The following KLF9 variants were observed in gnomAD, a reference collection of about 807,000 sequenced individuals.
The protein encoded by KLF9 is Krueppel-like factor 9.
KLF9 carries 2 observed loss-of-function variants against 17.3 expected under a neutral mutation model. The ratio of observed to expected loss-of-function variants is 0.12; its 90% CI spans 0.05 to 0.36. The LOEUF (loss-of-function observed/expected upper bound fraction) is 0.36, where lower values mean the gene tolerates loss of function less well. Ranked by LOEUF, KLF9 falls within the 10% of genes least tolerant of loss-of-function variation. The pLI is 1.00. For missense variants in KLF9, 226 were observed against 333.2 expected (o/e 0.68, Z 2.51); for synonymous variants, 138 against 139.2 (o/e 0.99, Z 0.06).
At chr9:70,407,139 T>G (rs2037261404) in intron 1 of KLF9, among the ~76,000 whole-genome samples, 1 of 152,150 alleles carries the variant, frequency 6.6e-6, no homozygotes, top group Non-Finnish European at 1.5e-5. Context: ...AAAACCATTG[T>G]CAGCCATTTT....
Position 70,385,751 on chromosome 9 carries a change from C to G in KLF9, c.*2025G>C, listed in dbSNP as rs531768851. On this transcript the variant is annotated 3_prime_UTR_variant, in exon 2 of 2. Coordinates refer to ENST00000377126, the MANE Select transcript of KLF9 (RefSeq NM_001206.4). ...AGATGTCCTTAAAACTTATTTTGGA[C>G]ACAGAAATTAAAATTTGGTTTAAAA... 1 of 152,684 alleles carries G rather than the reference C, an allele frequency of 6.5e-6. No individual in the cohort carries two copies. Among genetic ancestry groups the G allele is most frequent in the South Asian group, 2.1e-4 (1 of 4,826 alleles). 9.5% of individuals were successfully genotyped at this position (152,684 alleles called of 1,614,324 possible).
rs898281603 is a variant in KLF9 at position 70,413,541 on chromosome 9, C to G, written c.-178G>C. On this transcript the variant is annotated 5_prime_UTR_variant, in exon 1 of 2. Coordinates refer to ENST00000377126, the MANE Select transcript of KLF9 (RefSeq NM_001206.4). The surrounding 1 kb of genome is among the most constrained non-coding windows in gnomAD (Gnocchi z 5.6). ...GCAGGAGCGCCGAGGCGACCTCAGC[C>G]CCTCATCTTTACGTAACCGGCAGCG... 1 of 509,148 alleles carries G rather than the reference C, an allele frequency of 2.0e-6. No homozygotes were observed. The highest frequency in any genetic ancestry group is 4.9e-5 in the East Asian group (1 of 20,440). 31.5% of individuals were successfully genotyped at this position (509,148 alleles called of 1,614,324 possible).
At chr9:70,391,210 G>A (rs188329686) in intron 1 of KLF9, among the ~76,000 whole-genome samples, 7 of 152,296 alleles carry the variant, frequency 4.6e-5, no homozygotes, top group African/African-American at 1.2e-4. Context: ...AGATACTCTC[G>A]CTGTGTTAGG....
At position 70,412,935 on chromosome 9, in the gene KLF9, G is replaced by A; in HGVS notation, c.429C>T (p.His143=). 1 of 1,614,072 alleles carries A rather than the reference G, an allele frequency of 6.2e-7. No individual in the cohort carries two copies. Among genetic ancestry groups the A allele is most frequent in the Non-Finnish European group, 8.5e-7 (1 of 1,179,976 alleles). The change falls in exon 1 of 2, where the codon CAC becomes CAT. Residue 143 remains histidine, a synonymous_variant. Coordinates refer to ENST00000377126, the MANE Select transcript of KLF9 (RefSeq NM_001206.4). ...AKGKHASEKR[H]KCPYSGCGKV... is the part of the protein sequence containing the mutation. ...TCCCACAGCCACTGTAGGGGCACTTGTGCCTCTTTTCGGAGGCGTGTTTCC... is the reference window on the plus strand; with the variant it reads ...TCCCACAGCCACTGTAGGGGCACTTATGCCTCTTTTCGGAGGCGTGTTTCC...
At chr9:70,408,958 G>GT (rs889664279) in intron 1 of KLF9, among the ~76,000 whole-genome samples, 1 of 141,894 alleles carries the variant, frequency 7.0e-6, no homozygotes, top group African/African-American at 2.6e-5. Context: ...ACCTCTCCTG[G>GT]TTTTTTATGT....
chr9:70,406,859 C>T (rs2037258941), intron 1 of KLF9, among the ~76,000 whole-genome samples: 2 of 147,634 alleles, frequency 1.4e-5, no homozygotes, highest in Admixed American at 6.9e-5. Context: ...GCTTTTTCTC[C>T]AAGCCTGAGA....
rs1176233135 is a variant in KLF9 at position 70,414,046 on chromosome 9, C to T, written c.-683G>A. Reference sequence around the variant, plus strand: ...GATTCAACTCTGTTTACTTTCTCCCCCTGCCAGTCAGAACGGCCTTCGGTG... The same window carrying T: ...GATTCAACTCTGTTTACTTTCTCCCTCTGCCAGTCAGAACGGCCTTCGGTG... On this transcript the variant is annotated 5_prime_UTR_variant, in exon 1 of 2. Transcript: ENST00000377126. 6.6e-6 allele frequency: 1 copy of T among 152,550 alleles called. No homozygotes were observed. Among genetic ancestry groups the T allele is most frequent in the African/African-American group, 2.4e-5 (1 of 41,458 alleles). 9.4% of individuals were successfully genotyped at this position (152,550 alleles called of 1,614,324 possible).
intron 1 of KLF9, among the ~76,000 whole-genome samples, chr9:70,404,463 A>G (rs895250256): frequency 3.9e-5 from 6 of 151,950 alleles, no homozygotes. Context: ...CTGTGGTCCC[A>G]GTTACTTGGG....
chr9:70,402,966 C>A lies in KLF9; in HGVS notation c.505+9893G>T, dbSNP rs535673200. Among the ~76,000 whole-genome samples the A allele has an allele frequency of 4.8e-4, 73 of 151,980 alleles. 3 individuals are homozygous for A. The South Asian group carries it at 0.015, about 31-fold the overall frequency. Reference sequence around the variant, plus strand: ...GGAGTTCAAGACAAGCCTGACCAACCTGGTGAAAACCCATCTCTACTAAAA... The same window carrying A: ...GGAGTTCAAGACAAGCCTGACCAACATGGTGAAAACCCATCTCTACTAAAA... On this transcript the variant is annotated intron_variant, in intron 1 of 1. Transcript: ENST00000377126.
At chr9:70,391,700 G>A (rs979190143) in intron 1 of KLF9, among the ~76,000 whole-genome samples, 1 of 152,066 alleles carries the variant, frequency 6.6e-6, no homozygotes, top group Admixed American at 6.6e-5. Flanking sequence ...CTAAATCAGG[G>A]GCTAGCAATC....
At position 70,401,457 on chromosome 9, in the gene KLF9, C is replaced by T. The variant is rs144607147; in HGVS notation, c.505+11402G>A. Among the ~76,000 whole-genome samples, 480 of 151,416 alleles carry T rather than the reference C, an allele frequency of 3.2e-3. 2 individuals are homozygous for T. The highest frequency in any genetic ancestry group is 0.011 in the African/African-American group (436 of 41,298). The stretch of plus-strand genomic sequence containing the variant: ...ATCCAGCACTTTGGAAGGCCGAGGC[C>T]GGTGAATCACTTCAGGTCAGAAGTT... On this transcript the variant is annotated intron_variant, in intron 1 of 1. Coordinates refer to ENST00000377126, the MANE Select transcript of KLF9 (RefSeq NM_001206.4).
chr9:70,394,887 C>T (rs2037174141), intron 1 of KLF9, among the ~76,000 whole-genome samples: 2 of 152,122 alleles, frequency 1.3e-5, no homozygotes, highest in African/African-American at 4.8e-5. Context: ...TGGTAAGGCT[C>T]AATGGTGTGA....
intron 1 of KLF9, among the ~76,000 whole-genome samples, chr9:70,405,839 G>C (rs1007361157): frequency 1.3e-5 from 2 of 152,108 alleles, no homozygotes; most frequent in African/African-American, 4.8e-5. Context: ...TTTGCTGAGG[G>C]GACTGCTTGA....
intron 1 of KLF9, among the ~76,000 whole-genome samples, chr9:70,401,866 T>C (rs886683392): frequency 1.3e-5 from 2 of 151,062 alleles, no homozygotes; most frequent in Non-Finnish European, 2.9e-5. Context: ...AGTACAAAAA[T>C]GAGCTGGGTG....
In KLF9 at chr9:70,386,858, T is replaced by C. The variant is rs2037113578; in HGVS notation, c.*918A>G. 1 of 152,614 alleles carries C rather than the reference T, an allele frequency of 6.6e-6. No individual in the cohort carries two copies. The highest frequency in any genetic ancestry group is 2.4e-5 in the African/African-American group (1 of 41,468). 9.5% of individuals were successfully genotyped at this position (152,614 alleles called of 1,614,324 possible). A position where few individuals can be genotyped will look rare whatever the true frequency, so the allele number is the denominator to read the frequency against. On this transcript the variant is annotated 3_prime_UTR_variant, in exon 2 of 2. Transcript: ENST00000377126. Reference sequence around the variant, plus strand: ...ATATTCTGCCCTCACATCTCTGCCATGATTTCTTAGGGAAACGTGTATATT... The same window carrying C: ...ATATTCTGCCCTCACATCTCTGCCACGATTTCTTAGGGAAACGTGTATATT...
chr9:70,401,196 A>T (rs1350203913), intron 1 of KLF9, among the ~76,000 whole-genome samples: 3 of 149,288 alleles, frequency 2.0e-5, no homozygotes, highest in African/African-American at 4.9e-5. Flanking sequence ...AAAATTTTTT[A>T]AATTAGCTGG....
At position 70,413,144 on chromosome 9, in the gene KLF9, G is replaced by T. The variant is rs780196297; in HGVS notation, c.220C>A (p.Arg74=). The change falls in exon 1 of 2, where the codon CGA becomes AGA. Residue 74 remains arginine, a synonymous_variant. Coordinates refer to ENST00000377126, the MANE Select transcript of KLF9 (RefSeq NM_001206.4). The surrounding 1 kb of genome is among the most constrained non-coding windows in gnomAD (Gnocchi z 5.6). Reference sequence around the variant, plus strand: ...CACACGGAGGGGGTCTGGATGGGTCGGTACTTGTTCAGGTCCAACAAGCTC... The same window carrying T: ...CACACGGAGGGGGTCTGGATGGGTCTGTACTTGTTCAGGTCCAACAAGCTC... The part of the protein sequence containing the change: ...AKSLLDLNKY[R]PIQTPSVCSD... The T allele has an allele frequency of 5.0e-6, 8 of 1,614,052 alleles. No individual in the cohort carries two copies. Among genetic ancestry groups the T allele is most frequent in the Non-Finnish European group, 6.8e-6 (8 of 1,180,044 alleles).
At chr9:70,396,950 G>T (rs1293261778) in intron 1 of KLF9, among the ~76,000 whole-genome samples, 1 of 151,582 alleles carries the variant, frequency 6.6e-6, no homozygotes, top group African/African-American at 2.4e-5. Context: ...AGGCTGAGGA[G>T]GGAGGACTGC....
rs745315257 is a variant in KLF9, at chr9:70,385,223, A to G, written c.*2553T>C. 6.5e-6 allele frequency: 1 copy of G among 152,682 alleles called. No homozygotes were observed. Among genetic ancestry groups the G allele is most frequent in the Admixed American group, 6.5e-5 (1 of 15,278 alleles). 9.5% of individuals were successfully genotyped at this position (152,682 alleles called of 1,614,324 possible). A position where few individuals can be genotyped will look rare whatever the true frequency, so the allele number is the denominator to read the frequency against. On this transcript the variant is annotated 3_prime_UTR_variant, in exon 2 of 2. Coordinates refer to ENST00000377126, the MANE Select transcript of KLF9 (RefSeq NM_001206.4). ...AATTGTTTCATAGTTTTAGTGTTCA[A>G]TGAACTCTAGTAGTCCTATTTGAAC... is the stretch of plus-strand genomic sequence containing the variant.
Sources: gnomAD v4.1 joint callset for allele counts (sites outside exome capture counted in the v4.1 genomes callset) on GRCh38, gnomAD v4.1.1 for gene constraint, Gnocchi (gnomAD v3.1) non-coding constraint, MANE v1.5 for transcripts, NCBI Gene and HGNC (gene_info 2026-07-23, HGNC 2026-07-21) for gene names.